The following RBFOX1 variants were observed in gnomAD, a reference collection of about 807,000 sequenced individuals.
RBFOX1 encodes the protein RNA binding fox-1 homolog 1, also known as RNA binding protein fox-1 homolog 1.
In RBFOX1, 8 loss-of-function variants were observed where a neutral mutation model predicts 57.7. That is an observed-to-expected ratio of 0.14 (90% CI 0.08 to 0.25). RBFOX1 has a LOEUF of 0.25. Among genes scored for constraint, RBFOX1 ranks in the 10% least tolerant of loss-of-function variants. RBFOX1 has a pLI of 1.00. For synonymous variants in RBFOX1, 326 were observed against 222.4 expected (o/e 1.47, Z -4.15); for missense variants, 611 against 548.5 (o/e 1.11, Z -1.14).
intron 2 of RBFOX1, among the ~76,000 whole-genome samples, chr16:5,496,080 C>T (rs557568286): frequency 3.3e-5 from 5 of 152,060 alleles, no homozygotes; most frequent in East Asian, 3.9e-4. Context: ...GAGCCAACAT[C>T]GCACCACCAC....
intron 1 of RBFOX1, among the ~76,000 whole-genome samples, chr16:6,099,467 A>G (rs1431372711): frequency 6.6e-6 from 1 of 152,246 alleles, no homozygotes; most frequent in African/African-American, 2.4e-5. Flanking sequence ...TTTATAAAAT[A>G]TCCAGAGGAA....
chr16:6,586,462 T>C (rs1036629148), intron 2 of RBFOX1, among the ~76,000 whole-genome samples: 1 of 152,192 alleles, frequency 6.6e-6, no homozygotes, highest in African/African-American at 2.4e-5. Flanking sequence ...AGAGATCTTT[T>C]CAGTGGCAGG....
rs183706963 is a variant in RBFOX1 at position 7,431,683 on chromosome 16, C to T, written c.28-86464C>T. On this transcript the variant is annotated intron_variant, in intron 4 of 15. Transcript: ENST00000550418. ...ATTACTTCAAAAGGAACCCCATATC[C>T]ATTAAGCTGTCCCTCTCCATTCTGT... 1.6e-3 allele frequency among the ~76,000 whole-genome samples: 251 copies of T among 152,328 alleles called. No homozygotes were observed. The Middle Eastern group carries it at 0.02, about 12-fold the overall frequency.
chr16:7,447,430 CAAAAAAA>C (rs202234230), intron 4 of RBFOX1, among the ~76,000 whole-genome samples: 1 of 98,534 alleles, frequency 1.0e-5, no homozygotes, highest in Non-Finnish European at 2.0e-5. Flanking sequence ...GAGTCTATCT[CAAAAAAA>C]AAAAAAAAAA....
At chr16:5,987,352 C>T (rs187908897) in intron 4 of RBFOX1, among the ~76,000 whole-genome samples, 51 of 152,272 alleles carry the variant, frequency 3.3e-4, no homozygotes, top group Admixed American at 1.8e-3. Context: ...CATCCTCTTT[C>T]CAGGATCTTC....
intron 2 of RBFOX1, among the ~76,000 whole-genome samples, chr16:6,543,212 C>G (rs940375672): frequency 2.0e-5 from 3 of 152,166 alleles, no homozygotes; most frequent in Non-Finnish European, 4.4e-5. Flanking sequence ...ATGCACTAGG[C>G]TTAATGTTTA....
intron 4 of RBFOX1, among the ~76,000 whole-genome samples, chr16:7,183,914 G>T (rs2083220811): frequency 6.6e-6 from 1 of 152,118 alleles, no homozygotes; most frequent in Non-Finnish European, 1.5e-5. Context: ...GGGGATAGAT[G>T]GGAATTAATA....
chr16:7,043,056 C>A (rs893084698), intron 3 of RBFOX1, among the ~76,000 whole-genome samples: 1 of 87,020 alleles, frequency 1.1e-5, no homozygotes, highest in East Asian at 6.4e-4. Context: ...CACAATCTCC[C>A]TGACTTTATC....
intron 3 of RBFOX1, among the ~76,000 whole-genome samples, chr16:5,636,695 C>T (rs1012608147): frequency 6.6e-6 from 1 of 152,204 alleles, no homozygotes; most frequent in Non-Finnish European, 1.5e-5. Flanking sequence ...AGATCATACC[C>T]TTGGAAGGGC....
intron 3 of RBFOX1, among the ~76,000 whole-genome samples, chr16:6,930,635 C>T (rs974175328): frequency 6.6e-6 from 1 of 152,206 alleles, no homozygotes; most frequent in East Asian, 1.9e-4. Flanking sequence ...GTCTTGAGCT[C>T]CTCACCTTAG....
chr16:5,538,626 T>A (rs2044800881), intron 2 of RBFOX1, among the ~76,000 whole-genome samples: 1 of 151,484 alleles, frequency 6.6e-6, no homozygotes, highest in Admixed American at 6.6e-5. Context: ...CTTCTTTTTT[T>A]TTTTTTTTGT....
intron 4 of RBFOX1, among the ~76,000 whole-genome samples, chr16:7,369,237 C>T (rs1484742594): frequency 6.6e-6 from 1 of 151,966 alleles, no homozygotes; most frequent in Non-Finnish European, 1.5e-5. Flanking sequence ...CACACCCAAA[C>T]AAACAGAAAC....
chr16:6,838,605 C>T (rs1488481513), intron 3 of RBFOX1, among the ~76,000 whole-genome samples: 1 of 152,170 alleles, frequency 6.6e-6, no homozygotes, highest in Non-Finnish European at 1.5e-5. Context: ...TGCTGCTGTG[C>T]ACTGCCACTT....
chr16:6,195,234 T>G (rs367569501), intron 1 of RBFOX1, among the ~76,000 whole-genome samples: 1 of 152,232 alleles, frequency 6.6e-6, no homozygotes, highest in South Asian at 2.1e-4. Flanking sequence ...TCTTTCATCT[T>G]GGCAATGTTT....
intron 3 of RBFOX1, among the ~76,000 whole-genome samples, chr16:6,967,160 TG>T (rs2084442134): frequency 1.3e-5 from 2 of 152,108 alleles, no homozygotes; most frequent in South Asian, 4.2e-4. Context: ...CATCTATCCA[TG>T]TGTTTGTACA....
intron 4 of RBFOX1, among the ~76,000 whole-genome samples, chr16:7,219,042 A>G (rs1459579586): frequency 6.6e-6 from 1 of 152,184 alleles, no homozygotes; most frequent in Non-Finnish European, 1.5e-5. Flanking sequence ...GGAGCCAGAC[A>G]AAGCACGCCT....
At chr16:6,405,611 C>G (rs550433340) in intron 2 of RBFOX1, among the ~76,000 whole-genome samples, 1 of 152,248 alleles carries the variant, frequency 6.6e-6, no homozygotes, top group African/African-American at 2.4e-5. Context: ...AATGAGAATG[C>G]TGCTCTTCTG....
intron 1 of RBFOX1, among the ~76,000 whole-genome samples, chr16:6,248,593 C>T (rs1206794655): frequency 6.6e-6 from 1 of 152,088 alleles, no homozygotes; most frequent in African/African-American, 2.4e-5. Context: ...GAGGGTTTTA[C>T]CAAACAAACT....
At chr16:5,305,146 T>C (rs908226351) in intron 1 of RBFOX1, among the ~76,000 whole-genome samples, 2 of 152,170 alleles carry the variant, frequency 1.3e-5, no homozygotes, top group Non-Finnish European at 2.9e-5. Flanking sequence ...CCTTACAGAA[T>C]GCTGGTTTGG....
Sources: gnomAD v4.1 joint callset for allele counts (sites outside exome capture counted in the v4.1 genomes callset) on GRCh38, gnomAD v4.1.1 for gene constraint, MANE v1.5 for transcripts, NCBI Gene and HGNC (gene_info 2026-07-23, HGNC 2026-07-21) for gene names.